Variants in ZNF804B observed in about 807,000 individuals in gnomAD.
The protein encoded by ZNF804B is zinc finger 804B.
ZNF804B carries 80 observed loss-of-function variants against 101.4 expected under a neutral mutation model. The ratio of observed to expected loss-of-function variants is 0.79; its 90% confidence interval spans 0.66 to 0.95. The LOEUF (loss-of-function observed/expected upper bound fraction) is 0.95. Ranked by LOEUF, ZNF804B falls within the 40% of genes least tolerant of loss-of-function variation. ZNF804B has a pLI of 0.00. For synonymous variants in ZNF804B, 622 were observed against 558.8 expected (o/e 1.11, Z -1.59); for missense variants, 1,673 against 1,561.9 (o/e 1.07, Z -1.20).
chr7:89,169,221 G>C (rs1791189801), intron 1 of ZNF804B, among the ~76,000 whole-genome samples: 2 of 152,092 alleles, frequency 1.3e-5, no homozygotes, highest in Non-Finnish European at 2.9e-5. Flanking sequence ...ACCTCAGCTC[G>C]AGCTGGAACA....
chr7:88,980,695 G>T (rs1234848883), intron 1 of ZNF804B, among the ~76,000 whole-genome samples: 1 of 151,974 alleles, frequency 6.6e-6, no homozygotes, highest in East Asian at 2.0e-4. Context: ...TGAACTCCAT[G>T]AAGCTGGGGA....
At chr7:88,876,450 A>G (rs1315036781) in intron 1 of ZNF804B, among the ~76,000 whole-genome samples, 5 of 152,170 alleles carry the variant, frequency 3.3e-5, no homozygotes, top group African/African-American at 9.7e-5. Flanking sequence ...TCCAGCATCT[A>G]TACCTTTATT....
intron 1 of ZNF804B, among the ~76,000 whole-genome samples, chr7:88,974,095 A>T (rs981427282): frequency 6.6e-6 from 1 of 151,230 alleles, no homozygotes; most frequent in Non-Finnish European, 1.5e-5. Flanking sequence ...CCTATAGGGG[A>T]TATATAGGGA....
chr7:89,282,194 C>A (rs977924411), intron 2 of ZNF804B, among the ~76,000 whole-genome samples: 6 of 107,368 alleles, frequency 5.6e-5, no homozygotes, highest in African/African-American at 8.9e-5. Context: ...GAGCGAGACT[C>A]CGTCTAAAAA....
chr7:88,912,217 T>C (rs997719381), intron 1 of ZNF804B, among the ~76,000 whole-genome samples: 2 of 152,064 alleles, frequency 1.3e-5, no homozygotes, highest in Non-Finnish European at 2.9e-5. Context: ...CATTGTAGTC[T>C]TTTGTAAACT....
At chr7:89,086,932 G>A (rs920306671) in intron 1 of ZNF804B, among the ~76,000 whole-genome samples, 1 of 151,556 alleles carries the variant, frequency 6.6e-6, no homozygotes, top group African/African-American at 2.4e-5. Context: ...GTATACATAT[G>A]TAACAAACCT....
chr7:88,773,258 A>G (rs141960840), intron 1 of ZNF804B, among the ~76,000 whole-genome samples: 6 of 152,334 alleles, frequency 3.9e-5, no homozygotes, highest in African/African-American at 1.4e-4. Context: ...TAAGTGCTCA[A>G]GTAGGAGGGG....
At chr7:89,271,577 G>T (rs1377579285) in intron 2 of ZNF804B, among the ~76,000 whole-genome samples, 1 of 152,064 alleles carries the variant, frequency 6.6e-6, no homozygotes, top group African/African-American at 2.4e-5. Flanking sequence ...GATGATGCTG[G>T]CCTCATAAAA....
intron 2 of ZNF804B, among the ~76,000 whole-genome samples, chr7:89,324,679 C>A (rs1790872076): frequency 7.9e-6 from 1 of 125,984 alleles, no homozygotes; most frequent in South Asian, 2.4e-4. Flanking sequence ...CCTTTGTTGT[C>A]CTCCTGGCTA....
At chr7:88,927,633 GCT>G (rs148581670) in intron 1 of ZNF804B, among the ~76,000 whole-genome samples, 20 of 149,452 alleles carry the variant, frequency 1.3e-4, no homozygotes, top group Non-Finnish European at 1.3e-4. Flanking sequence ...TTTCTCTCTT[GCT>G]CTCTCTCTCT....
At chr7:89,015,722 A>C (rs1366802300) in intron 1 of ZNF804B, among the ~76,000 whole-genome samples, 1 of 151,952 alleles carries the variant, frequency 6.6e-6, no homozygotes, top group African/African-American at 2.4e-5. Flanking sequence ...ACATTTTCTT[A>C]ATCCAGTCTA....
intron 1 of ZNF804B, among the ~76,000 whole-genome samples, chr7:88,924,681 A>G (rs1792769947): frequency 6.6e-6 from 1 of 152,154 alleles, no homozygotes; most frequent in Non-Finnish European, 1.5e-5. Context: ...ATTCAAGACT[A>G]AAATAACACT....
At chr7:89,201,683 A>C (rs1310529392) in intron 1 of ZNF804B, among the ~76,000 whole-genome samples, 1 of 152,058 alleles carries the variant, frequency 6.6e-6, no homozygotes, top group Non-Finnish European at 1.5e-5. Context: ...TACTCTCTAA[A>C]GTTTGTATGA....
Position 89,336,596 on chromosome 7 carries a change from C to G in ZNF804B, c.3614C>G (p.Ser1205Cys), listed in dbSNP as rs777753436. 3.7e-6 allele frequency: 6 copies of G among 1,614,108 alleles called. No individual in the cohort carries two copies. The Admixed American group carries it at 1.0e-4, about 27-fold the overall frequency. Residue 1205 changes from serine (S) to cysteine (C), a missense_variant, in exon 4 of 4, where the codon TCT (serine) becomes TGT (cysteine). Physicochemically the swap from Ser to Cys is moderately radical, Grantham distance 112. Transcript: ENST00000333190. ...VQTVPVHQHTSITTIHHTFLQ... is the reference protein window; with the variant it reads ...VQTVPVHQHTCITTIHHTFLQ... Reference sequence around the variant, plus strand: ...ACAGTTCCAGTTCACCAGCACACTTCTATCACCACCATCCACCACACGTTC... The same window carrying G: ...ACAGTTCCAGTTCACCAGCACACTTGTATCACCACCATCCACCACACGTTC...
In ZNF804B at chr7:89,336,406, C is replaced by G. The variant is rs182369154; in HGVS notation, c.3424C>G (p.Pro1142Ala). The change falls in exon 4 of 4, where the codon CCT becomes GCT. Residue 1142 changes from proline to alanine, a missense_variant. By Grantham distance (27) the Pro-to-Ala change is conservative. Transcript: ENST00000333190. ...LEMCHKSISP[P>A]LIQQPITFSP... ...AATGTGTCATAAATCTATCTCTCCC[C>G]CTTTAATTCAACAGCCCATAACATT... is the stretch of plus-strand genomic sequence containing the variant. 1,341 of 1,614,084 alleles carry G rather than the reference C, an allele frequency of 8.3e-4. 1 individual carries two copies. The highest frequency in any genetic ancestry group is 1.0e-3 in the Non-Finnish European group (1,218 of 1,180,008).
In ZNF804B at chr7:89,140,927, C is replaced by T. The variant is rs73393302; in HGVS notation, c.109-77228C>T. ...CTTTCAATATGCCTTCTTCAATGAG[C>T]TTAATCATTTCTAGCTTTTGATTAA... On this transcript the variant is annotated intron_variant, in intron 1 of 3. Transcript: ENST00000333190. 5.9e-3 allele frequency among the ~76,000 whole-genome samples: 890 copies of T among 152,042 alleles called. 9 individuals are homozygous for T. The highest frequency in any genetic ancestry group is 0.02 in the African/African-American group (836 of 41,496).
At chr7:89,310,908 T>A (rs966658063) in intron 2 of ZNF804B, among the ~76,000 whole-genome samples, 1 of 152,096 alleles carries the variant, frequency 6.6e-6, no homozygotes, top group Non-Finnish European at 1.5e-5. Context: ...TAAAGACGGC[T>A]TCATGTCAGG....
rs915443091 is a variant in ZNF804B at position 88,929,540 on chromosome 7, G to A, written c.108+169456G>A. Among the ~76,000 whole-genome samples the A allele has an allele frequency of 1.5e-4, 23 of 151,810 alleles. No individual in the cohort carries two copies. In the South Asian group the frequency reaches 2.3e-3, roughly 15 times the overall value. ...TTATTTCTTGTCAGCCCCATGTCACGTCTTGTACAGTTTGTATAAAGACAC... is the reference window on the plus strand; with the variant it reads ...TTATTTCTTGTCAGCCCCATGTCACATCTTGTACAGTTTGTATAAAGACAC... On this transcript the variant is annotated intron_variant, in intron 1 of 3. Transcript: ENST00000333190.
chr7:89,233,214 C>G (rs1421084695), intron 2 of ZNF804B, among the ~76,000 whole-genome samples: 1 of 152,210 alleles, frequency 6.6e-6, no homozygotes, highest in Non-Finnish European at 1.5e-5. Flanking sequence ...GCGTGAGCCA[C>G]CGTGCCTGGC....
Sources: gnomAD v4.1 joint callset for allele counts (sites outside exome capture counted in the v4.1 genomes callset) on GRCh38, gnomAD v4.1.1 for gene constraint, MANE v1.5 for transcripts, NCBI Gene and HGNC (gene_info 2026-07-23, HGNC 2026-07-21) for gene names.